The following RPH3AL variants were observed in gnomAD, a reference collection of about 807,000 sequenced individuals.
RPH3AL encodes rab effector Noc2.
Under a neutral mutation model 43.1 loss-of-function variants are expected in RPH3AL, and 38 were observed. The observed-to-expected ratio is 0.88, with a 90% CI of 0.68 to 1.15. The LOEUF (loss-of-function observed/expected upper bound fraction) is 1.15. RPH3AL is among the 50% of genes most tolerant of loss of function. The probability of loss-of-function intolerance (pLI) is 0.00; values close to 1 mark genes in which losing one functional copy is unlikely to be tolerated. For synonymous variants in RPH3AL, 189 were observed against 176.3 expected (o/e 1.07, Z -0.57); for missense variants, 462 against 423.2 (o/e 1.09, Z -0.81).
rs1176125451 is a variant in RPH3AL, at chr17:304,967, G to A, written c.351+14453C>T. ...AGGGCGAGAGGGGGACAGGGCGAGA[G>A]GGGGACAGGGCGGGAGGGGGACAGG... On this transcript the variant is annotated intron_variant, in intron 5 of 9. Transcript: ENST00000331302. Among the ~76,000 whole-genome samples the A allele has an allele frequency of 6.8e-4, 21 of 30,956 alleles. No individual in the cohort carries two copies. The East Asian group carries it at 0.02, about 29-fold the overall frequency. 20.3% of individuals were successfully genotyped at this position (30,956 alleles called of 152,430 possible).
chr17:326,957 G>C (rs929920246), intron 3 of RPH3AL, among the ~76,000 whole-genome samples: 2 of 152,234 alleles, frequency 1.3e-5, no homozygotes, highest in Non-Finnish European at 2.9e-5. Context: ...GCAGCTTGGG[G>C]CTGGTTGTGC....
At chr17:269,039 T>C (rs369623937) in intron 6 of RPH3AL, among the ~76,000 whole-genome samples, 6,062 of 152,046 alleles carry the variant, frequency 0.04, 267 homozygotes, top group African/African-American at 0.12. Context: ...CCACCACGCC[T>C]GGCTAATTTT....
At chr17:247,587 G>A (rs77127746) in intron 6 of RPH3AL, 42,609 of 350,612 alleles carry the variant, frequency 0.12, 3,120 homozygotes, top group Non-Finnish European at 0.14. Context: ...CTGGGCTCAC[G>A]CGGTCCTCCT....
At chr17:241,601 AT>A (rs1461283829) in intron 7 of RPH3AL, among the ~76,000 whole-genome samples, 2 of 151,992 alleles carry the variant, frequency 1.3e-5, no homozygotes, top group African/African-American at 4.8e-5. Context: ...GCCTATTTTT[AT>A]TGCTAAAACA....
At chr17:344,114 AGTCATCATCACCATCAGACATT>A (rs954191400) in intron 1 of RPH3AL, among the ~76,000 whole-genome samples, 7 of 132,018 alleles carry the variant, frequency 5.3e-5, no homozygotes, top group African/African-American at 1.6e-4. Flanking sequence ...ATTCACCTCC[AGTCATCATCACCATCAGACATT>A]GTCATCATCA....
chr17:349,667 T>G (rs555492884), intron 1 of RPH3AL, among the ~76,000 whole-genome samples: 1 of 152,240 alleles, frequency 6.6e-6, no homozygotes, highest in African/African-American at 2.4e-5. Context: ...ATAAAAAAAC[T>G]TTTTAATAAA....
At position 264,289 on chromosome 17, in the gene RPH3AL, TGGG is replaced by T. The variant is rs1567596815; in HGVS notation, c.439-17007_439-17005del. On this transcript the variant is annotated intron_variant, in intron 6 of 9. Transcript: ENST00000331302. This position sits in a 1 kb window ranked among gnomAD's most constrained non-coding sequence, Gnocchi z 4.8. Reference sequence around the variant, plus strand: ...ACCCTTCGGAGCCGCGAGCGCTGGATGGGGACTCAGAATCCGCAGCACGTTGAC... The same window carrying T: ...ACCCTTCGGAGCCGCGAGCGCTGGATGACTCAGAATCCGCAGCACGTTGAC... Among the ~76,000 whole-genome samples the T allele has an allele frequency of 2.0e-5, 3 of 148,240 alleles. No individual in the cohort carries two copies. Among genetic ancestry groups the T allele is most frequent in the South Asian group, 2.1e-4 (1 of 4,702 alleles).
At position 247,101 on chromosome 17, in the gene RPH3AL, G is replaced by C. The variant is rs1555540301; in HGVS notation, c.613+10C>G. ...CAGGCCATCCTGGGAGAGAGGCAGA[G>C]GGGACTTACCTCTTCCTCGGGCCCA... On this transcript the variant is annotated intron_variant, in intron 7 of 9. Coordinates refer to ENST00000331302, the MANE Select transcript of RPH3AL (RefSeq NM_006987.4). 1 of 1,614,090 alleles carries C rather than the reference G, an allele frequency of 6.2e-7. No individual in the cohort carries two copies. The highest frequency in any genetic ancestry group is 1.1e-5 in the South Asian group (1 of 91,090).
chr17:350,998 C>A (rs554765110), intron 1 of RPH3AL, among the ~76,000 whole-genome samples: 1 of 152,306 alleles, frequency 6.6e-6, no homozygotes, highest in African/African-American at 2.4e-5. Flanking sequence ...CTCTTAGCAT[C>A]TCCTCCCAGC....
At chr17:321,576 C>T (rs1328049701) in intron 3 of RPH3AL, 161 bp from the exon 4 acceptor site, 1 of 693,716 alleles carries the variant, frequency 1.4e-6, no homozygotes, top group Non-Finnish European at 2.1e-6. Context: ...CAGGTGGCAA[C>T]AGAGATGGCC....
intron 5 of RPH3AL, among the ~76,000 whole-genome samples, chr17:301,652 T>G (rs1374905038): frequency 1.3e-5 from 2 of 152,152 alleles, no homozygotes; most frequent in African/African-American, 4.8e-5. Flanking sequence ...TTGCCTGGGC[T>G]GGTCTCAAAC....
chr17:226,832 T>C (rs529004771), intron 7 of RPH3AL, among the ~76,000 whole-genome samples: 1 of 152,376 alleles, frequency 6.6e-6, no homozygotes, highest in South Asian at 2.1e-4. Flanking sequence ...CTCATACATC[T>C]GGCCCTTGCT....
At chr17:233,129 C>G (rs1275772741) in intron 7 of RPH3AL, among the ~76,000 whole-genome samples, 1 of 151,422 alleles carries the variant, frequency 6.6e-6, no homozygotes, top group Non-Finnish European at 1.5e-5. Context: ...ACAGCATGTG[C>G]CTGTCTGTGT....
chr17:301,970 C>T (rs570733529), intron 5 of RPH3AL, among the ~76,000 whole-genome samples: 10 of 152,314 alleles, frequency 6.6e-5, no homozygotes, highest in African/African-American at 1.7e-4. Context: ...TCAGGCACAG[C>T]GGCTCTCAGA....
At chr17:273,924 C>T (rs1473790305) in intron 6 of RPH3AL, among the ~76,000 whole-genome samples, 1 of 152,088 alleles carries the variant, frequency 6.6e-6, no homozygotes, top group African/African-American at 2.4e-5. Flanking sequence ...TCTAGGCCAC[C>T]CCCCCTCAGA....
rs1412591731 is a variant in RPH3AL at position 215,374 on chromosome 17, C to T, written c.876+280G>A. On this transcript the variant is annotated intron_variant, in intron 9 of 9. Transcript: ENST00000331302. This position sits in a 1 kb window ranked among gnomAD's most constrained non-coding sequence, Gnocchi z 4.1. ...TCTGCCAAGAGAATGAAAGTTCGCCCCAGGGGAGCCCGACACGTTTTATGT... is the reference window on the plus strand; with the variant it reads ...TCTGCCAAGAGAATGAAAGTTCGCCTCAGGGGAGCCCGACACGTTTTATGT... Among the ~76,000 whole-genome samples, 4 of 152,178 alleles carry T rather than the reference C, an allele frequency of 2.6e-5. No individual in the cohort carries two copies. Among genetic ancestry groups the T allele is most frequent in the African/African-American group, 9.7e-5 (4 of 41,434 alleles).
chr17:263,427 C>T (rs902344618), intron 6 of RPH3AL, among the ~76,000 whole-genome samples: 39 of 152,302 alleles, frequency 2.6e-4, no homozygotes, highest in African/African-American at 6.7e-4. Flanking sequence ...AAGAAAGGCA[C>T]GGCAGGATCC....
intron 7 of RPH3AL, among the ~76,000 whole-genome samples, chr17:229,625 T>C (rs2041182781): frequency 6.6e-6 from 1 of 151,958 alleles, no homozygotes; most frequent in African/African-American, 2.4e-5. Context: ...GGGGGATGCT[T>C]GGTGGCCTCA....
Position 281,781 on chromosome 17 carries a change from C to A in RPH3AL, c.425G>T (p.Ser142Ile). The change falls in exon 6 of 10, where the codon AGT becomes ATT. Residue 142 changes from serine to isoleucine, a missense_variant. Ser to Ile is a moderately radical substitution (Grantham distance 142). Transcript: ENST00000331302. ...KRPLWLCKIC[S>I]EQREVWKRSG... is the part of the protein sequence containing the mutation. The stretch of plus-strand genomic sequence containing the variant: ...TGGACGCCCTACCTCTCTTTGCTCA[C>A]TGCAGATCTTACACAGCCACAGGGG... The A allele has an allele frequency of 6.2e-7, 1 of 1,613,750 alleles. No individual in the cohort carries two copies. The highest frequency in any genetic ancestry group is 8.5e-7 in the Non-Finnish European group (1 of 1,179,852).
Sources: allele counts gnomAD v4.1 joint callset (sites outside exome capture counted in the v4.1 genomes callset), GRCh38; gene constraint gnomAD v4.1.1; non-coding constraint Gnocchi (gnomAD v3.1); transcripts MANE v1.5; gene names NCBI Gene and HGNC (gene_info 2026-07-23, HGNC 2026-07-21).